The following KPRP variants were observed in gnomAD, a reference collection of about 807,000 sequenced individuals.
The protein encoded by KPRP is keratinocyte proline-rich protein.
For missense variants in KPRP, 820 were observed against 746.4 expected (o/e 1.10, Z -1.15); for synonymous variants, 282 against 276.9 (o/e 1.02, Z -0.18).
At chr1:152,760,433 A>T (rs781714550) in exon 1 of KPRP, 2 of 1,612,166 alleles carry the variant, frequency 1.2e-6, no homozygotes, top group Non-Finnish European at 1.7e-6. Context: ...TCCAGCAGCT[A>T]CCTGCCACTA....
upstream of KPRP, among the ~76,000 whole-genome samples, chr1:152,758,115 C>T (rs1023333863): frequency 6.6e-6 from 1 of 152,144 alleles, no homozygotes; most frequent in Non-Finnish European, 1.5e-5. Flanking sequence ...CAGGGGAGAG[C>T]CCAGGTTCAC....
At chr1:152,761,175 C>T in exon 1 of KPRP, 1 of 1,614,216 alleles carries the variant, frequency 6.2e-7, no homozygotes, top group Middle Eastern at 1.6e-4. Context: ...AAGCTCCCTA[C>T]TGTGGCCCAT....
At chr1:152,759,417 C>A, upstream of KPRP, 1 of 1,158,644 alleles carries the variant, frequency 8.6e-7, no homozygotes, top group Non-Finnish European at 1.2e-6. Context: ...ACAGATTAAT[C>A]CTGGGTCGAA....
chr1:152,760,747 C>T (rs1040845742), exon 1 of KPRP: 21 of 1,614,138 alleles, frequency 1.3e-5, no homozygotes, highest in Non-Finnish European at 1.5e-5. Context: ...TCCACCACGG[C>T]GTCTTGACCA....
chr1:152,760,285 C>G lies in KPRP; in HGVS notation c.697C>G (p.Gln233Glu), dbSNP rs777061077. The G allele has an allele frequency of 2.7e-5, 43 of 1,614,190 alleles. No individual in the cohort carries two copies. The South Asian group carries it at 4.4e-4, about 16-fold the overall frequency. The stretch of plus-strand genomic sequence containing the variant: ...GACTTCATTTAGTCCCTGTGTGCCC[C>G]AGTGCCAGACCCAGGGCTCCTATGG... The change falls in exon 1 of 1, where the codon CAG becomes GAG. Residue 233 changes from glutamine (Q) to glutamate (E), a missense_variant. Physicochemically the swap from Gln to Glu is conservative, Grantham distance 29. Transcript: ENST00000606109.
upstream of KPRP, among the ~76,000 whole-genome samples, chr1:152,758,076 G>T (rs1344901455): frequency 6.6e-6 from 1 of 152,236 alleles, no homozygotes; most frequent in Non-Finnish European, 1.5e-5. Flanking sequence ...CTAGGAACTG[G>T]ATCCTGGGAT....
At chr1:152,759,722 T>C in exon 1 of KPRP, 2 of 1,614,096 alleles carry the variant, frequency 1.2e-6, no homozygotes, top group Non-Finnish European at 8.5e-7. Flanking sequence ...GAGATGCAAA[T>C]TGTGGACTGC....
chr1:152,758,741 G>A (rs1438698375), upstream of KPRP, among the ~76,000 whole-genome samples: 3 of 152,126 alleles, frequency 2.0e-5, no homozygotes, highest in Admixed American at 6.5e-5. Flanking sequence ...TCCATCTTAG[G>A]TAACTCCACC....
chr1:152,760,942 C>G (rs778221204), exon 1 of KPRP: 20 of 1,613,050 alleles, frequency 1.2e-5, no homozygotes, highest in Admixed American at 5.0e-5. Context: ...CCTTCCTCGC[C>G]CAGGGCAGTG....
upstream of KPRP, among the ~76,000 whole-genome samples, chr1:152,758,830 C>T (rs1279959224): frequency 6.6e-6 from 1 of 152,244 alleles, no homozygotes; most frequent in Non-Finnish European, 1.5e-5. Flanking sequence ...CAACAGCAAC[C>T]TGACTGGGCA....
At position 152,760,302 on chromosome 1, in the gene KPRP, C is replaced by T. The variant is rs532555524; in HGVS notation, c.714C>T (p.Gly238=). The T allele has an allele frequency of 9.7e-5, 157 of 1,614,192 alleles. 1 individual carries two copies. In the South Asian group the frequency reaches 1.6e-3, roughly 17 times the overall value. ...GTGTGCCCCAGTGCCAGACCCAGGGCTCCTATGGGAGCTTCACTGAACAGC... is the reference window on the plus strand; with the variant it reads ...GTGTGCCCCAGTGCCAGACCCAGGGTTCCTATGGGAGCTTCACTGAACAGC... Residue 238 remains glycine, a synonymous_variant, in exon 1 of 1, where the codon GGC becomes GGT. Transcript: ENST00000606109.
upstream of KPRP, among the ~76,000 whole-genome samples, chr1:152,759,003 T>C (rs988241901): frequency 2.6e-5 from 4 of 152,258 alleles, no homozygotes; most frequent in African/African-American, 7.2e-5. Flanking sequence ...TCTAAAAACA[T>C]TGAATATAGA....
rs1469061218 is a variant in KPRP at position 152,760,207 on chromosome 1, C to T, written c.619C>T (p.Gln207Ter). 1.9e-6 allele frequency: 3 copies of T among 1,614,158 alleles called. No individual in the cohort carries two copies. Among genetic ancestry groups the T allele is most frequent in the African/African-American group, 2.7e-5 (2 of 75,036 alleles). The change falls in exon 1 of 1, where the codon CAG becomes TAG. Residue 207 changes from glutamine to a stop codon, truncating the protein, a stop_gained. Coordinates refer to ENST00000606109, the Ensembl canonical transcript of KPRP. LOFTEE classifies it low-confidence loss of function (END_TRUNC). Reference sequence around the variant, plus strand: ...GGCTACCTGCAACAACTACACCCCCCAGTTCCAGTTGAGGCCTTCCTACAG... The same window carrying T: ...GGCTACCTGCAACAACTACACCCCCTAGTTCCAGTTGAGGCCTTCCTACAG...
chr1:152,760,367 G>A (rs776972984), exon 1 of KPRP: 4 of 1,613,906 alleles, frequency 2.5e-6, no homozygotes, highest in South Asian at 1.1e-5. Context: ...CCTCCTCCTC[G>A]GCGGCTGCAG....
exon 1 of KPRP, chr1:152,760,347 C>G: frequency 6.2e-7 from 1 of 1,614,220 alleles, no homozygotes; most frequent in Non-Finnish European, 8.5e-7. Flanking sequence ...GGAGCACCAG[C>G]AGATGCCTTC....
upstream of KPRP, chr1:152,759,439 C>A: frequency 7.5e-7 from 1 of 1,331,108 alleles, no homozygotes; most frequent in Non-Finnish European, 1.0e-6. Context: ...TAAGTCAGGA[C>A]ACTTGGATGA....
chr1:152,762,044 A>G (rs781365423), exon 1 of KPRP: 3 of 167,116 alleles, frequency 1.8e-5, no homozygotes, highest in Non-Finnish European at 4.4e-5. Flanking sequence ...AAAGATCATT[A>G]TGTACTCACT....
At chr1:152,760,821 A>C (rs1557828150) in exon 1 of KPRP, 1 of 1,614,100 alleles carries the variant, frequency 6.2e-7, no homozygotes, top group Non-Finnish European at 8.5e-7. Context: ...TGCGCCCAGA[A>C]CCATGCATAA....
chr1:152,760,421 G>A, exon 1 of KPRP: 1 of 1,613,870 alleles, frequency 6.2e-7, no homozygotes, highest in Non-Finnish European at 8.5e-7. Flanking sequence ...TTTGAGCCCT[G>A]CTCCAGCAGC....
Sources: gnomAD v4.1 joint callset for allele counts (sites outside exome capture counted in the v4.1 genomes callset) on GRCh38, gnomAD v4.1.1 for gene constraint, MANE v1.5 for transcripts, NCBI Gene and HGNC (gene_info 2026-07-23, HGNC 2026-07-21) for gene names.